The following FBXO33 variants were observed in gnomAD, a reference collection of about 807,000 sequenced individuals.
FBXO33 encodes F-box protein 33.
Under a neutral mutation model 46.3 loss-of-function variants are expected in FBXO33, and 22 were observed. The ratio of observed to expected loss-of-function variants is 0.48; its 90% CI spans 0.34 to 0.68. The LOEUF (loss-of-function observed/expected upper bound fraction) is 0.68. Among genes scored for constraint, FBXO33 ranks in the 30% least tolerant of loss-of-function variants. The pLI is 0.01. For synonymous variants in FBXO33, 337 were observed against 291.3 expected, an observed-to-expected ratio of 1.16 and a Z score of -1.60; for missense variants, 692 against 708.8, an observed-to-expected ratio of 0.98 and a Z score of 0.27.
At chr14:39,420,344 A>G (rs2075475231) in intron 1 of FBXO33, among the ~76,000 whole-genome samples, 4 of 152,234 alleles carry the variant, frequency 2.6e-5, no homozygotes, top group Admixed American at 2.6e-4. Flanking sequence ...TGCATACTTT[A>G]GTAAAGGTAA....
At chr14:39,407,353 A>T (rs1296502916) in intron 1 of FBXO33, among the ~76,000 whole-genome samples, 1 of 152,196 alleles carries the variant, frequency 6.6e-6, no homozygotes. Context: ...TGATCAACAG[A>T]CTCACACAAT....
intron 1 of FBXO33, among the ~76,000 whole-genome samples, chr14:39,418,097 T>C (rs1489010151): frequency 1.3e-5 from 2 of 151,900 alleles, no homozygotes; most frequent in African/African-American, 4.8e-5. Flanking sequence ...GGAGTCTTGC[T>C]CTGTCACCCA....
At chr14:39,431,322 G>A (rs1214388391) in intron 1 of FBXO33, among the ~76,000 whole-genome samples, 1 of 152,148 alleles carries the variant, frequency 6.6e-6, no homozygotes, top group Non-Finnish European at 1.5e-5. Context: ...ATGAGTGCCT[G>A]GAAGGCGCCA....
chr14:39,401,356 C>A lies in FBXO33; in HGVS notation c.1216G>T (p.Val406Phe), dbSNP rs2075367627. ...RIHFDSYITCVSGAIVDLISR... is the reference protein window; with the variant it reads ...RIHFDSYITCFSGAIVDLISR... The stretch of plus-strand genomic sequence containing the variant: ...ATAAGATCAACAATAGCCCCTGAAA[C>A]ACAAGTGATATAGCTATCAAAATGA... Residue 406 changes from valine to phenylalanine, a missense_variant, in exon 3 of 4, where the codon GTT becomes TTT. Val to Phe is a conservative substitution (Grantham distance 50). Around this residue, in one of 3 missense-constraint regions of FBXO33, gnomAD observed 186 missense variants for 246.1 expected, o/e 0.76. Transcript: ENST00000298097. 3 of 1,613,952 alleles carry A rather than the reference C, an allele frequency of 1.9e-6. No individual in the cohort carries two copies. Among genetic ancestry groups the A allele is most frequent in the Non-Finnish European group, 2.5e-6 (3 of 1,180,008 alleles).
chr14:39,431,596 C>A lies in FBXO33; in HGVS notation c.567G>T (p.Val189=), dbSNP rs2075552518. Residue 189 remains valine (V), a synonymous_variant, in exon 1 of 4, where the codon GTG becomes GTT. Coordinates refer to ENST00000298097, the MANE Select transcript of FBXO33 (RefSeq NM_203301.4). ...TCCGGATGCTGACCAGCACGCAAAGCACCAGCTCCAAGTAGGTGCGCAGCA... is the reference window on the plus strand; with the variant it reads ...TCCGGATGCTGACCAGCACGCAAAGAACCAGCTCCAAGTAGGTGCGCAGCA... ...LEVLRTYLEL[V]LCVLVSIRNN... is the part of the protein sequence containing the mutation. 1 of 1,613,304 alleles carries A rather than the reference C, an allele frequency of 6.2e-7. No homozygotes were observed. Among genetic ancestry groups the A allele is most frequent in the Non-Finnish European group, 8.5e-7 (1 of 1,180,024 alleles).
chr14:39,421,995 C>T (rs1005192607), intron 1 of FBXO33, among the ~76,000 whole-genome samples: 1 of 152,182 alleles, frequency 6.6e-6, no homozygotes, highest in South Asian at 2.1e-4. Flanking sequence ...CAGTGGCTGA[C>T]GCCTGTAATC....
intron 1 of FBXO33, among the ~76,000 whole-genome samples, chr14:39,408,113 T>C (rs2075407244): frequency 6.6e-6 from 1 of 152,110 alleles, no homozygotes; most frequent in Non-Finnish European, 1.5e-5. Context: ...GCTAACTTTT[T>C]TTGTATTTTT....
chr14:39,418,580 C>G (rs1010570195), intron 1 of FBXO33, among the ~76,000 whole-genome samples: 3 of 150,260 alleles, frequency 2.0e-5, no homozygotes, highest in Non-Finnish European at 4.4e-5. Flanking sequence ...TTGAGACCAT[C>G]CTGGCTAACA....
chr14:39,408,942 C>A (rs1276572626), intron 1 of FBXO33, among the ~76,000 whole-genome samples: 1 of 151,768 alleles, frequency 6.6e-6, no homozygotes, highest in African/African-American at 2.4e-5. Flanking sequence ...CACCCAGCTA[C>A]TTTTTGTATT....
At chr14:39,400,180 T>C (rs528257098) in intron 3 of FBXO33, among the ~76,000 whole-genome samples, 180 of 152,368 alleles carry the variant, frequency 1.2e-3, no homozygotes, top group African/African-American at 4.1e-3. Flanking sequence ...ACGTGGTAAA[T>C]GTATTTTTCA....
chr14:39,419,702 T>A (rs896441392), intron 1 of FBXO33, among the ~76,000 whole-genome samples: 2 of 152,198 alleles, frequency 1.3e-5, no homozygotes, highest in African/African-American at 4.8e-5. Context: ...AAGAAATCAA[T>A]AGGGTTATTT....
intron 1 of FBXO33, among the ~76,000 whole-genome samples, chr14:39,421,209 T>C (rs1259296576): frequency 6.6e-6 from 1 of 152,196 alleles, no homozygotes; most frequent in East Asian, 1.9e-4. Flanking sequence ...CCTTTTGAGG[T>C]TTTGAAAAGT....
At chr14:39,426,740 G>T (rs1567079350) in intron 1 of FBXO33, among the ~76,000 whole-genome samples, 1 of 152,174 alleles carries the variant, frequency 6.6e-6, no homozygotes, top group African/African-American at 2.4e-5. Context: ...TATTTGCTCA[G>T]ATCTTCAGAT....
chr14:39,399,844 G>A, intron 3 of FBXO33, 57 bp from the exon 4 acceptor site: 14 of 1,457,890 alleles, frequency 9.6e-6, no homozygotes, highest in African/African-American at 1.4e-5. Flanking sequence ...TTTCTCTTTG[G>A]TAAGTCTGTC....
rs2075357413 is a variant in FBXO33 at position 39,399,221 on chromosome 14, A to G, written c.*295T>C. 1 of 215,588 alleles carries G rather than the reference A, an allele frequency of 4.6e-6. No homozygotes were observed. The highest frequency in any genetic ancestry group is 2.3e-5 in the African/African-American group (1 of 43,868). 13.4% of individuals were successfully genotyped at this position (215,588 alleles called of 1,614,324 possible). A position where few individuals can be genotyped will look rare whatever the true frequency, so the allele number is the denominator to read the frequency against. On this transcript the variant is annotated 3_prime_UTR_variant, in exon 4 of 4. Transcript: ENST00000298097. ...AAGAATAAAAACGTCAAAAAGGCAG[A>G]GTAACTCAGTGAAAAATAAAGTTAG... is the stretch of plus-strand genomic sequence containing the variant.
In FBXO33 at chr14:39,421,853, A is replaced by G. The variant is rs1424332459; in HGVS notation, c.599+9711T>C. Among the ~76,000 whole-genome samples the G allele has an allele frequency of 2.0e-5, 3 of 152,068 alleles. No homozygotes were observed. The East Asian group carries it at 5.8e-4, about 29-fold the overall frequency. The stretch of plus-strand genomic sequence containing the variant: ...ACGAGTAAGAATAACCAAAAAGGGG[A>G]AAAATATTTTTAGATGTATTTAGGG... On this transcript the variant is annotated intron_variant, in intron 1 of 3. Transcript: ENST00000298097.
chr14:39,420,092 C>T (rs767273443), intron 1 of FBXO33, among the ~76,000 whole-genome samples: 1 of 152,222 alleles, frequency 6.6e-6, no homozygotes. Flanking sequence ...AAACAGCCTA[C>T]AGACTGCTCT....
intron 1 of FBXO33, among the ~76,000 whole-genome samples, chr14:39,406,071 G>A (rs61668966): frequency 0.022 from 3,286 of 151,606 alleles, 126 homozygotes; most frequent in African/African-American, 0.076. Flanking sequence ...ACATATATAA[G>A]TATGTCTGCT....
In FBXO33 at chr14:39,431,499, TG is replaced by T. The variant is rs1595990561; in HGVS notation, c.599+64del. On this transcript the variant is annotated intron_variant, in intron 1 of 3. Transcript: ENST00000298097. ...GGGCACGTATTATGCACAGAATCTG[TG>T]TCGGGGTGCGGGGACGGAGCGACCC... 1.9e-6 allele frequency: 3 copies of T among 1,597,732 alleles called. No homozygotes were observed. In the East Asian group the frequency reaches 6.7e-5, roughly 36 times the overall value.
Sources: allele counts gnomAD v4.1 joint callset (sites outside exome capture counted in the v4.1 genomes callset), GRCh38; gene constraint gnomAD v4.1.1; regional missense constraint gnomAD v4.1.1; transcripts MANE v1.5; gene names NCBI Gene and HGNC (gene_info 2026-07-23, HGNC 2026-07-21).